DUSP13B: variants seen among roughly 807,000 people sequenced by gnomAD.
DUSP13B encodes the protein dual specificity phosphatase 13B.
the DUSP13B span, chr10:75,099,619 G>GA: frequency 9.0e-7 from 1 of 1,116,026 alleles, no homozygotes; most frequent in Non-Finnish European, 1.1e-6. Flanking sequence ...ACTGCAGTGG[G>GA]CCCTCCGGTC....
At chr10:75,101,211 G>A in the DUSP13B span, among the ~76,000 whole-genome samples, 1 of 152,192 alleles carries the variant, frequency 6.6e-6, no homozygotes, top group Non-Finnish European at 1.5e-5. Flanking sequence ...TCTGGTACTT[G>A]CAGCTATGTG....
At chr10:75,104,110 T>C in the DUSP13B span, 1 of 1,332,560 alleles carries the variant, frequency 7.5e-7, no homozygotes, top group Non-Finnish European at 9.9e-7. Context: ...GGAAGAGAGA[T>C]GAGCTCTGTG....
the DUSP13B span, chr10:75,097,637 G>A: frequency 7.1e-7 from 1 of 1,403,564 alleles, no homozygotes; most frequent in Non-Finnish European, 9.4e-7. Context: ...GGCTCTGAGA[G>A]AGGCTCATGC....
At chr10:75,099,281 C>CA in the DUSP13B span, 135 of 1,232,154 alleles carry the variant, frequency 1.1e-4, 1 homozygote, top group Non-Finnish European at 1.3e-4. Context: ...GTGCCAGGAC[C>CA]AGAAAAAGAA....
At chr10:75,098,431 G>A in the DUSP13B span, among the ~76,000 whole-genome samples, 7 of 152,178 alleles carry the variant, frequency 4.6e-5, no homozygotes, top group African/African-American at 1.7e-4. Flanking sequence ...GTATTTGTTA[G>A]CAACTCCGCA....
the DUSP13B span, chr10:75,105,725 A>C: frequency 6.4e-7 from 1 of 1,554,388 alleles, no homozygotes; most frequent in South Asian, 1.2e-5. Context: ...TGGTGCAGGA[A>C]GCCTCGGTTG....
At chr10:75,109,152 A>C in the DUSP13B span, 1 of 1,589,560 alleles carries the variant, frequency 6.3e-7, no homozygotes, top group Non-Finnish European at 8.6e-7. Context: ...GAGAGGTCTC[A>C]GCCATGGGCC....
At chr10:75,095,406 G>T in the DUSP13B span, among the ~76,000 whole-genome samples, 1 of 152,206 alleles carries the variant, frequency 6.6e-6, no homozygotes, top group Non-Finnish European at 1.5e-5. Flanking sequence ...CCTCCAGGGT[G>T]TCCCTGAAGG....
chr10:75,099,261 T>C, the DUSP13B span: 3 of 1,232,266 alleles, frequency 2.4e-6, no homozygotes, highest in African/African-American at 3.1e-5. Flanking sequence ...TCTTTTCCCT[T>C]TGGTAGGCAG....
At chr10:75,108,080 C>A in the DUSP13B span, 1 of 1,613,894 alleles carries the variant, frequency 6.2e-7, no homozygotes, top group Non-Finnish European at 8.5e-7. Context: ...CGTGGGCTGG[C>A]ACCCCCAGGT....
At chr10:75,109,031 G>A in the DUSP13B span, 1 of 1,610,326 alleles carries the variant, frequency 6.2e-7, no homozygotes, top group South Asian at 1.1e-5. Context: ...AAAAGGTTGG[G>A]CCAAACTTCG....
chr10:75,099,582 G>A, the DUSP13B span: 1 of 1,229,256 alleles, frequency 8.1e-7, no homozygotes, highest in Non-Finnish European at 1.0e-6. Context: ...GGGGGGTGGG[G>A]CCTGAGAGCC....
chr10:75,097,744 A>C, the DUSP13B span: 1 of 1,612,110 alleles, frequency 6.2e-7, no homozygotes, highest in Non-Finnish European at 8.5e-7. Flanking sequence ...GCCAGACCTC[A>C]TCGATATGGT....
chr10:75,097,126 C>T, the DUSP13B span, among the ~76,000 whole-genome samples: 1 of 152,126 alleles, frequency 6.6e-6, no homozygotes. Context: ...TCAGTAGGGG[C>T]TTCTGGGAGA....
the DUSP13B span, among the ~76,000 whole-genome samples, chr10:75,101,577 T>G: frequency 3.9e-5 from 6 of 152,220 alleles, no homozygotes; most frequent in African/African-American, 1.2e-4. Context: ...AGTGCCTTTA[T>G]GGAGCAGGTA....
At chr10:75,099,082 C>CAAG in the DUSP13B span, 1 of 1,232,482 alleles carries the variant, frequency 8.1e-7, no homozygotes, top group Non-Finnish European at 1.0e-6. Context: ...GGTCAGGTAG[C>CAAG]TTGTTTCAGG....
chr10:75,103,608 A>T, the DUSP13B span, among the ~76,000 whole-genome samples: 3 of 152,142 alleles, frequency 2.0e-5, no homozygotes, highest in Non-Finnish European at 2.9e-5. Flanking sequence ...ACATACCTTG[A>T]TACTACTCCC....
chr10:75,106,317 G>A, the DUSP13B span, among the ~76,000 whole-genome samples: 2,245 of 151,460 alleles, frequency 0.015, 63 homozygotes, highest in African/African-American at 0.05. Flanking sequence ...CCTTCAGCTC[G>A]AGAAACATGG....
chr10:75,095,787 G>T, the DUSP13B span: 11 of 1,613,954 alleles, frequency 6.8e-6, no homozygotes, highest in Non-Finnish European at 8.5e-6. Flanking sequence ...CTTGTCCCGG[G>T]CTGCGTACCT....
Sources: allele counts gnomAD v4.1 joint callset (sites outside exome capture counted in the v4.1 genomes callset), GRCh38; gene constraint gnomAD v4.1.1; transcripts MANE v1.5; gene names NCBI Gene and HGNC (gene_info 2026-07-23, HGNC 2026-07-21).